The following COL25A1 variants were observed in gnomAD, a reference collection of about 807,000 sequenced individuals.
COL25A1 encodes collagen alpha-1(XXV) chain.
A neutral mutation model predicts 128.4 loss-of-function variants in COL25A1; 103 were observed. That is an observed-to-expected ratio of 0.80 (90% CI 0.68 to 0.94). The LOEUF (loss-of-function observed/expected upper bound fraction) is 0.94, where lower values mean the gene tolerates loss of function less well. Ranked by LOEUF, COL25A1 falls within the 40% of genes least tolerant of loss-of-function variation. COL25A1 has a pLI of 0.00. For missense variants in COL25A1, 745 were observed against 840.0 expected (o/e 0.89, Z 1.40); for synonymous variants, 279 against 277.2 (o/e 1.01, Z -0.06).
intron 3 of COL25A1, among the ~76,000 whole-genome samples, chr4:109,118,873 G>T (rs1233188231): frequency 6.6e-6 from 1 of 151,984 alleles, no homozygotes; most frequent in East Asian, 1.9e-4. Context: ...GGGGGTATAA[G>T]TGACATATAT....
At chr4:108,904,021 C>T (rs549024843) in intron 13 of COL25A1, among the ~76,000 whole-genome samples, 11 of 152,092 alleles carry the variant, frequency 7.2e-5, no homozygotes, top group Non-Finnish European at 1.3e-4. Context: ...AGTTACGTCA[C>T]GAAACACATA....
At position 108,899,272 on chromosome 4, in the gene COL25A1, G is replaced by A. The variant is rs115528777; in HGVS notation, c.835-92C>T. Reference sequence around the variant, plus strand: ...AACAAAACAGATATTGAACTTACTAGGTAAATTATGCATGACATTTTCTAT... The same window carrying A: ...AACAAAACAGATATTGAACTTACTAAGTAAATTATGCATGACATTTTCTAT... On this transcript the variant is annotated intron_variant, in intron 14 of 37. Coordinates refer to ENST00000399132, the MANE Select transcript of COL25A1 (RefSeq NM_198721.4). 1.7e-3 allele frequency: 1,906 copies of A among 1,141,710 alleles called. 19 individuals carry two copies. In the African/African-American group the frequency reaches 0.025, roughly 15 times the overall value. 70.7% of individuals were successfully genotyped at this position (1,141,710 alleles called of 1,614,324 possible).
At chr4:109,127,218 C>G (rs1768705134) in intron 3 of COL25A1, among the ~76,000 whole-genome samples, 1 of 152,130 alleles carries the variant, frequency 6.6e-6, no homozygotes, top group African/African-American at 2.4e-5. Context: ...GAGGACCATG[C>G]CTTCATTCCT....
At chr4:109,057,849 T>C (rs1352317593) in intron 3 of COL25A1, among the ~76,000 whole-genome samples, 1 of 152,156 alleles carries the variant, frequency 6.6e-6, no homozygotes, top group Non-Finnish European at 1.5e-5. Context: ...TAACTGATAA[T>C]TAGTTGCTAT....
At chr4:109,287,611 A>C (rs888997877) in intron 3 of COL25A1, among the ~76,000 whole-genome samples, 2 of 152,090 alleles carry the variant, frequency 1.3e-5, no homozygotes, top group Admixed American at 6.6e-5. Context: ...TTCCCTACAA[A>C]ACCCACCAAC....
chr4:109,009,742 T>C (rs569254927), intron 6 of COL25A1, among the ~76,000 whole-genome samples: 130 of 152,178 alleles, frequency 8.5e-4, no homozygotes, highest in Non-Finnish European at 1.5e-3. Context: ...GTTTGTTGAG[T>C]TTCTCGTACT....
intron 3 of COL25A1, among the ~76,000 whole-genome samples, chr4:109,098,469 G>C (rs1039014517): frequency 1.3e-5 from 2 of 152,224 alleles, no homozygotes; most frequent in African/African-American, 4.8e-5. Context: ...GATAAAGCAA[G>C]TGCTCATATG....
chr4:109,181,005 G>T (rs2526455), intron 3 of COL25A1, among the ~76,000 whole-genome samples: 5 of 151,900 alleles, frequency 3.3e-5, no homozygotes, highest in African/African-American at 1.2e-4. Context: ...ATGCAAGTTT[G>T]CATGAAGACA....
At chr4:109,221,622 C>T (rs1466167708) in intron 3 of COL25A1, among the ~76,000 whole-genome samples, 1 of 152,110 alleles carries the variant, frequency 6.6e-6, no homozygotes, top group Non-Finnish European at 1.5e-5. Context: ...AACTCTTTAA[C>T]ACTTCTATTA....
chr4:109,099,662 A>G (rs946052535), intron 3 of COL25A1, among the ~76,000 whole-genome samples: 2 of 151,886 alleles, frequency 1.3e-5, no homozygotes, highest in Non-Finnish European at 2.9e-5. Context: ...TGAATACATG[A>G]AAGTCAAGTC....
intron 5 of COL25A1, among the ~76,000 whole-genome samples, chr4:109,045,877 T>C (rs1347540011): frequency 6.6e-6 from 1 of 152,184 alleles, no homozygotes; most frequent in Non-Finnish European, 1.5e-5. Flanking sequence ...GGTGGGACAG[T>C]ATCAATACTT....
rs562616910 is a variant in COL25A1, at chr4:108,900,865, T to G, written c.834+254A>C. On this transcript the variant is annotated intron_variant, in intron 14 of 37. Coordinates refer to ENST00000399132, the MANE Select transcript of COL25A1 (RefSeq NM_198721.4). The stretch of plus-strand genomic sequence containing the variant: ...TATTGGAAACATAGGCCTATTCATG[T>G]TATTTAAGTATCTCAGAATAAAGAT... 5.1e-4 allele frequency among the ~76,000 whole-genome samples: 77 copies of G among 152,276 alleles called. 1 individual carries two copies. The highest frequency in any genetic ancestry group is 9.9e-4 in the Non-Finnish European group (67 of 68,000).
chr4:108,841,699 G>A lies in COL25A1; in HGVS notation c.1652C>T (p.Pro551Leu). The A allele has an allele frequency of 6.2e-7, 1 of 1,611,344 alleles. No individual in the cohort carries two copies. Among genetic ancestry groups the A allele is most frequent in the Non-Finnish European group, 8.5e-7 (1 of 1,177,746 alleles). ...TCAAGGGATTTGTTGGATTACCTTT[G>A]GTCCAGGAAGTCCATGAGGTCCCTG... ...GPMGPHGLPG[P>L]KGTDGPMGPH... The change falls in exon 31 of 38, where the codon CCA becomes CTA. Residue 551 changes from proline (P) to leucine (L), a missense_variant. Pro to Leu is a moderately conservative substitution (Grantham distance 98). Around this residue, in one of 3 missense-constraint regions of COL25A1, gnomAD observed 387 missense variants for 441.9 expected, o/e 0.88. Coordinates refer to ENST00000399132, the MANE Select transcript of COL25A1 (RefSeq NM_198721.4).
At chr4:108,868,997 AAGAG>A in intron 20 of COL25A1, 87 bp downstream of exon 20, 1 of 762,556 alleles carries the variant, frequency 1.3e-6, no homozygotes, top group South Asian at 1.7e-5. Flanking sequence ...CAATAAAAGA[AAGAG>A]AAAGGAAAGA....
At chr4:109,198,294 T>TCACACACA (rs112993547) in intron 3 of COL25A1, among the ~76,000 whole-genome samples, 35,091 of 143,758 alleles carry the variant, frequency 0.24, 5,176 homozygotes, top group South Asian at 0.34. Context: ...GCATATTCAT[T>TCACACACA]CACACACACA....
intron 8 of COL25A1, among the ~76,000 whole-genome samples, chr4:108,952,276 A>G (rs1024728276): frequency 1.3e-5 from 2 of 152,192 alleles, no homozygotes; most frequent in African/African-American, 4.8e-5. Flanking sequence ...TAATGAATAA[A>G]TAAGCACATT....
rs114560968 is a variant in COL25A1, at chr4:109,032,361, G to T, written c.420+15807C>A. Among the ~76,000 whole-genome samples the T allele has an allele frequency of 5.5e-3, 840 of 152,250 alleles. 9 individuals are homozygous for T. Among genetic ancestry groups the T allele is most frequent in the African/African-American group, 0.019 (799 of 41,540 alleles). ...ACCTACATTTATTAAGCCAGGCACT[G>T]CAGTGATGCTAGAGAAACATGGAAA... On this transcript the variant is annotated intron_variant, in intron 5 of 37. Coordinates refer to ENST00000399132, the MANE Select transcript of COL25A1 (RefSeq NM_198721.4).
intron 3 of COL25A1, 37 bp downstream of exon 3, chr4:109,300,546 C>CT: frequency 7.1e-7 from 1 of 1,416,526 alleles, no homozygotes; most frequent in Non-Finnish European, 1.0e-6. Context: ...AAATGCTCTG[C>CT]TCTGGAGGAA....
At chr4:108,898,357 G>C (rs1742391891) in intron 15 of COL25A1, among the ~76,000 whole-genome samples, 1 of 152,118 alleles carries the variant, frequency 6.6e-6, no homozygotes, top group Admixed American at 6.6e-5. Context: ...TTTGGGATGA[G>C]AGGTTATAAT....
Sources: gnomAD v4.1 joint callset for allele counts (sites outside exome capture counted in the v4.1 genomes callset) on GRCh38, gnomAD v4.1.1 for gene constraint, gnomAD v4.1.1 regional missense constraint, MANE v1.5 for transcripts, NCBI Gene and HGNC (gene_info 2026-07-23, HGNC 2026-07-21) for gene names.